CAND2: variants seen among roughly 807,000 people sequenced by gnomAD.
The protein encoded by CAND2 is cullin-associated NEDD8-dissociated protein 2.
Under a neutral mutation model 98.9 loss-of-function variants are expected in CAND2, and 62 were observed. That is an observed-to-expected ratio of 0.63 (90% confidence interval 0.51 to 0.77). CAND2 has a LOEUF of 0.77. CAND2 is among the 30% of genes least tolerant of loss of function. CAND2 has a pLI of 0.00. For synonymous variants in CAND2, 770 were observed against 731.9 expected (o/e 1.05, Z -0.84); for missense variants, 1,501 against 1,655.2 (o/e 0.91, Z 1.62).
chr3:12,797,084 C>T (rs1486966440), intron 1 of CAND2, among the ~76,000 whole-genome samples: 4 of 151,654 alleles, frequency 2.6e-5, no homozygotes, highest in South Asian at 2.1e-4. Flanking sequence ...AGCCCCGGCT[C>T]CACCCCTCTG....
chr3:12,817,242 G>A lies in CAND2; in HGVS notation c.2310G>A (p.Pro770=), dbSNP rs371560476. The A allele has an allele frequency of 3.0e-5, 49 of 1,613,760 alleles. No homozygotes were observed. The highest frequency in any genetic ancestry group is 1.6e-4 in the South Asian group (15 of 91,086). ...AGGCCCTGGTAGGGACCCGTCCCCC[G>A]TGTGTGGACTATGCCAAACTCATCA... is the stretch of plus-strand genomic sequence containing the variant. ...FLQALVGTRP[P]CVDYAKLISL... is the part of the protein sequence containing the mutation. Residue 770 remains proline, a synonymous_variant, in exon 10 of 15, where the codon CCG becomes CCA. Coordinates refer to ENST00000456430, the MANE Select transcript of CAND2 (RefSeq NM_001162499.2).
At chr3:12,804,278 AC>A (rs1168926749) in intron 2 of CAND2, among the ~76,000 whole-genome samples, 1 of 152,016 alleles carries the variant, frequency 6.6e-6, no homozygotes, top group Non-Finnish European at 1.5e-5. Context: ...ACATGGTGAA[AC>A]CCTGTCTCTA....
chr3:12,812,592 G>C (rs2124848037), intron 5 of CAND2, among the ~76,000 whole-genome samples: 1 of 151,892 alleles, frequency 6.6e-6, no homozygotes, highest in East Asian at 2.0e-4. Flanking sequence ...TTTTAGTAGA[G>C]ACGGGGTTTC....
chr3:12,819,999 A>AG, intron 10 of CAND2, 87 bp from the exon 11 acceptor site: 1 of 1,010,810 alleles, frequency 9.9e-7, no homozygotes, highest in South Asian at 1.3e-5. Context: ...CCAGGGAAGC[A>AG]GGGGGAGGAG....
At chr3:12,813,205 C>G (rs769807056) in intron 6 of CAND2, 41 bp from the exon 7 acceptor site, 1 of 1,608,192 alleles carries the variant, frequency 6.2e-7, no homozygotes, top group Non-Finnish European at 8.5e-7. Context: ...CACTCCTGTC[C>G]TGGCTGGATC....
rs2061943050 is a variant in CAND2 at position 12,819,970 on chromosome 3, G to A, written c.2945-116G>A. 5.3e-6 allele frequency: 4 copies of A among 753,644 alleles called. No homozygotes were observed. In the Admixed American group the frequency reaches 6.7e-5, roughly 13 times the overall value. The allele number at this position is 753,644 out of a possible 1,614,324, so 46.7% of individuals were successfully genotyped here. On this transcript the variant is annotated intron_variant, in intron 10 of 14. Transcript: ENST00000456430. ...GAATCCACTTTCCCAGAGATGGGGA[G>A]GGGGTACAGTTCTGTTTTCCAGGGA...
Position 12,833,851 on chromosome 3 carries a change from G to GT in CAND2, c.3581dup (p.Lys1196GlufsTer17). The GT allele has an allele frequency of 6.2e-7, 1 of 1,614,156 alleles. No homozygotes were observed. Among genetic ancestry groups the GT allele is most frequent in the Non-Finnish European group, 8.5e-7 (1 of 1,179,984 alleles). ...GGCTGCCCTGCTGACCATCCCCGAGGTGGGGAAAAGCCCCATCATGGCCGA... is the reference window on the plus strand; with the variant it reads ...GGCTGCCCTGCTGACCATCCCCGAGGTTGGGGAAAAGCCCCATCATGGCCGA... On this transcript the variant is annotated frameshift_variant, in exon 15 of 15. Transcript: ENST00000456430. LOFTEE classifies it high-confidence loss of function.
At chr3:12,829,876 C>T (rs758699043) in intron 13 of CAND2, among the ~76,000 whole-genome samples, 77 of 152,222 alleles carry the variant, frequency 5.1e-4, no homozygotes, top group Non-Finnish European at 7.6e-4. Context: ...GTCCTGTCAA[C>T]AGCTGCAGGA....
Position 12,808,319 on chromosome 3 carries a change from T to C in CAND2, c.477T>C (p.Ser159=). The C allele has an allele frequency of 6.4e-7, 1 of 1,551,460 alleles. No homozygotes were observed. Among genetic ancestry groups the C allele is most frequent in the Non-Finnish European group, 8.7e-7 (1 of 1,146,906 alleles). The change falls in exon 4 of 15, where the codon TCT becomes TCC. Residue 159 remains serine, a synonymous_variant. Transcript: ENST00000456430. ...AVQLEALDIL[S]DMLSRLGVPL... ...AGCTGGAAGCCCTGGACATCCTCTC[T>C]GACATGCTGAGCAGGTGTGGGAGGC...
At chr3:12,810,594 C>T (rs1023520987) in intron 5 of CAND2, among the ~76,000 whole-genome samples, 37 of 152,352 alleles carry the variant, frequency 2.4e-4, no homozygotes, top group African/African-American at 8.4e-4. Context: ...AACCCCCAGG[C>T]CTGAGCCCCT....
intron 11 of CAND2, 53 bp from the exon 12 acceptor site, chr3:12,825,417 T>G (rs2061990976): frequency 6.6e-6 from 10 of 1,506,142 alleles, no homozygotes; most frequent in African/African-American, 2.8e-5. Flanking sequence ...GTGAGGGAGG[T>G]GACTTTGTGC....
chr3:12,800,276 A>C (rs1323119731), intron 1 of CAND2, among the ~76,000 whole-genome samples: 1 of 152,018 alleles, frequency 6.6e-6, no homozygotes, highest in East Asian at 1.9e-4. Flanking sequence ...CGACCAGTCC[A>C]CCCCTGGTAA....
intron 11 of CAND2, among the ~76,000 whole-genome samples, chr3:12,822,082 C>G (rs997541520): frequency 1.3e-4 from 20 of 152,160 alleles, no homozygotes; most frequent in African/African-American, 4.6e-4. Context: ...TGGTGACTTT[C>G]TAGTTCCATT....
At position 12,808,164 on chromosome 3, in the gene CAND2, T is replaced by TC. The variant is rs761492288; in HGVS notation, c.368-41dup. On this transcript the variant is annotated intron_variant, in intron 3 of 14. Coordinates refer to ENST00000456430, the MANE Select transcript of CAND2 (RefSeq NM_001162499.2). ...GCAGACTAGTGGTGGAGGCTGCCTT[T>TC]CCCCCAGGCCAGGGCCTCACTGTGC... The TC allele has an allele frequency of 1.9e-6, 3 of 1,546,824 alleles. No individual in the cohort carries two copies. The South Asian group carries it at 3.6e-5, about 18-fold the overall frequency.
In CAND2 at chr3:12,810,316, A is replaced by C. The variant is rs2061841574; in HGVS notation, c.749A>C (p.His250Pro). 6 of 1,456,980 alleles carry C rather than the reference A, an allele frequency of 4.1e-6. No individual in the cohort carries two copies. The highest frequency in any genetic ancestry group is 5.4e-6 in the Non-Finnish European group (6 of 1,104,848). 90.3% of individuals were successfully genotyped at this position (1,456,980 alleles called of 1,614,324 possible). The stretch of plus-strand genomic sequence containing the variant: ...GGCAGCGTCGGCCGCCAGGCCGGCC[A>C]CCGCCTCGGTAAGGGGGCAGGGGGC... ...CLGSVGRQAGHRLGAHLDRLV... is the reference protein window; with the variant it reads ...CLGSVGRQAGPRLGAHLDRLV... Residue 250 changes from histidine (H) to proline (P), a missense_variant, in exon 5 of 15, where the codon CAC becomes CCC. By Grantham distance (77) the His-to-Pro change is moderately conservative. Transcript: ENST00000456430.
chr3:12,812,847 C>T (rs2061864172), intron 5 of CAND2, 143 bp from the exon 6 acceptor site: 3 of 621,160 alleles, frequency 4.8e-6, no homozygotes, highest in Non-Finnish European at 5.7e-6. Context: ...AGGGCTAGAA[C>T]CCACATTTGC....
At position 12,816,690 on chromosome 3, in the gene CAND2, G is replaced by A; in HGVS notation, c.1758G>A (p.Glu586=). The stretch of plus-strand genomic sequence containing the variant: ...TTCGTGCCACTGACCTGGACCAGGA[G>A]GTGAAGGAGCGGGCCATTTCCTGCA... ...ARLRATDLDQ[E]VKERAISCMG... Residue 586 remains glutamate, a synonymous_variant, in exon 10 of 15, where the codon GAG becomes GAA. Transcript: ENST00000456430. 1 of 1,613,738 alleles carries A rather than the reference G, an allele frequency of 6.2e-7. No homozygotes were observed. The highest frequency in any genetic ancestry group is 1.1e-5 in the South Asian group (1 of 91,088).
intron 11 of CAND2, among the ~76,000 whole-genome samples, chr3:12,820,852 G>A (rs2061951988): frequency 6.6e-6 from 1 of 152,222 alleles, no homozygotes; most frequent in South Asian, 2.1e-4. Flanking sequence ...GAGAGGTTTT[G>A]GAGCTCACCT....
At chr3:12,832,047 C>T (rs1395214244) in intron 14 of CAND2, among the ~76,000 whole-genome samples, 2 of 152,230 alleles carry the variant, frequency 1.3e-5, no homozygotes, top group East Asian at 1.9e-4. Context: ...GGAAAGCTGG[C>T]GTTGGGAGCA....
Sources: allele counts gnomAD v4.1 joint callset (sites outside exome capture counted in the v4.1 genomes callset), GRCh38; gene constraint gnomAD v4.1.1; transcripts MANE v1.5; gene names NCBI Gene and HGNC (gene_info 2026-07-23, HGNC 2026-07-21).